Variants in SCD observed in about 807,000 individuals in gnomAD.
SCD encodes stearoyl-CoA desaturase, also known as acyl-CoA desaturase.
SCD carries 4 observed loss-of-function variants against 35.7 expected under a neutral mutation model. The ratio of observed to expected loss-of-function variants is 0.11; its 90% CI spans 0.06 to 0.26. The LOEUF is 0.26. Among genes scored for constraint, SCD ranks in the 10% least tolerant of loss-of-function variants. SCD has a pLI of 1.00. For synonymous variants in SCD, 150 were observed against 170.2 expected (o/e 0.88, Z 0.92); for missense variants, 282 against 460.7 (o/e 0.61, Z 3.55).
rs1214583605 is a variant in SCD at position 100,361,622 on chromosome 10, G to A, written c.*689G>A. On this transcript the variant is annotated 3_prime_UTR_variant, in exon 6 of 6. Coordinates refer to ENST00000370355, the MANE Select transcript of SCD (RefSeq NM_005063.5). ...TGCTTCCTTTCTCTCCTGGCTCGGG[G>A]TAAAAAGTGGCTGCGGTGTTTGGCA... The A allele has an allele frequency of 6.6e-6, 1 of 152,224 alleles. No individual in the cohort carries two copies. Among genetic ancestry groups the A allele is most frequent in the Non-Finnish European group, 1.5e-5 (1 of 68,058 alleles). The allele number at this position is 152,224 out of a possible 1,614,324, so 9.4% of individuals were successfully genotyped here.
chr10:100,354,058 T>C (rs1849900480), intron 3 of SCD, among the ~76,000 whole-genome samples: 1 of 152,250 alleles, frequency 6.6e-6, no homozygotes, highest in African/African-American at 2.4e-5. Context: ...ATGTTCCCCA[T>C]GCCTAGGGAT....
chr10:100,353,516 C>T (rs11190482), intron 3 of SCD, among the ~76,000 whole-genome samples: 2 of 147,250 alleles, frequency 1.4e-5, no homozygotes, highest in Non-Finnish European at 3.0e-5. Flanking sequence ...ACCTGGGAGG[C>T]AGAGCTTGCA....
rs537646546 is a variant in SCD at position 100,362,361 on chromosome 10, T to G, written c.*1428T>G. On this transcript the variant is annotated 3_prime_UTR_variant, in exon 6 of 6. Coordinates refer to ENST00000370355, the MANE Select transcript of SCD (RefSeq NM_005063.5). ...AAAACTAGAAGGCTTCTCTCCACAG[T>G]GTTGTGCCCCTTCACTCATTTTTTT... 4 of 152,308 alleles carry G rather than the reference T, an allele frequency of 2.6e-5. No individual in the cohort carries two copies. Among genetic ancestry groups the G allele is most frequent in the Non-Finnish European group, 4.4e-5 (3 of 68,024 alleles). 9.4% of individuals were successfully genotyped at this position (152,308 alleles called of 1,614,324 possible).
chr10:100,359,538 A>G (rs967406753), intron 5 of SCD, among the ~76,000 whole-genome samples: 1 of 152,118 alleles, frequency 6.6e-6, no homozygotes, highest in Non-Finnish European at 1.5e-5. Context: ...CCATTAATGG[A>G]CATTAATAAT....
At position 100,354,772 on chromosome 10, in the gene SCD, C is replaced by A. The variant is rs76256157; in HGVS notation, c.647+140C>A. 387 of 658,060 alleles carry A rather than the reference C, an allele frequency of 5.9e-4. 2 individuals carry two copies. In the African/African-American group the frequency reaches 6.1e-3, roughly 10 times the overall value. The allele number at this position is 658,060 out of a possible 1,614,324, so 40.8% of individuals were successfully genotyped here. On this transcript the variant is annotated intron_variant, in intron 4 of 5. Coordinates refer to ENST00000370355, the MANE Select transcript of SCD (RefSeq NM_005063.5). ...TGTTCACAATCTTAATTTAAAATCC[C>A]AATTTTTAACATCCCACGGGCCCGT...
chr10:100,355,993 A>G (rs1239888967), intron 4 of SCD, among the ~76,000 whole-genome samples: 1 of 152,230 alleles, frequency 6.6e-6, no homozygotes, highest in Non-Finnish European at 1.5e-5. Flanking sequence ...GGCAGATGGG[A>G]AAACCAGCCA....
chr10:100,363,078 G>A lies in SCD; in HGVS notation c.*2145G>A, dbSNP rs1850005749. 6.6e-6 allele frequency: 1 copy of A among 152,294 alleles called. No homozygotes were observed. The highest frequency in any genetic ancestry group is 2.4e-5 in the African/African-American group (1 of 41,450). 9.4% of individuals were successfully genotyped at this position (152,294 alleles called of 1,614,324 possible). A position where few individuals can be genotyped will look rare whatever the true frequency, so the allele number is the denominator to read the frequency against. ...GTGCCTCACCTCGAAAGGAGGCCCT[G>A]TTCCCTGGAGTCAGGGTGAACTGCA... is the stretch of plus-strand genomic sequence containing the variant. On this transcript the variant is annotated 3_prime_UTR_variant, in exon 6 of 6. Coordinates refer to ENST00000370355, the MANE Select transcript of SCD (RefSeq NM_005063.5).
intron 5 of SCD, among the ~76,000 whole-genome samples, chr10:100,358,963 T>G (rs1282341555): frequency 2.6e-5 from 4 of 152,098 alleles, no homozygotes; most frequent in Non-Finnish European, 5.9e-5. Flanking sequence ...TTTTTCTCTC[T>G]TTTTAACTTT....
rs1474378157 is a variant in SCD at position 100,348,225 on chromosome 10, A to G, written c.189A>G (p.Glu63=). The change falls in exon 2 of 6, where the codon GAA becomes GAG. Residue 63 remains glutamate (E), a synonymous_variant. Transcript: ENST00000370355. ...ATGACCCCACCTACAAGGATAAGGA[A>G]GGCCCAAGCCCCAAGGTTGAATATG... ...DIYDPTYKDK[E]GPSPKVEYVW... 15 of 1,614,162 alleles carry G rather than the reference A, an allele frequency of 9.3e-6. No individual in the cohort carries two copies. The highest frequency in any genetic ancestry group is 9.3e-6 in the Non-Finnish European group (11 of 1,180,024).
rs1179210624 is a variant in SCD at position 100,361,107 on chromosome 10, T to G, written c.*174T>G. 1.6e-6 allele frequency: 1 copy of G among 615,882 alleles called. No homozygotes were observed. Among genetic ancestry groups the G allele is most frequent in the Admixed American group, 3.0e-5 (1 of 33,642 alleles). 38.2% of individuals were successfully genotyped at this position (615,882 alleles called of 1,614,324 possible). A position where few individuals can be genotyped will look rare whatever the true frequency, so the allele number is the denominator to read the frequency against. The stretch of plus-strand genomic sequence containing the variant: ...TTGAAAGCCAACAACTCTGCCTTTA[T>G]GATGCTAAGCTGATATTATTTCTTC... On this transcript the variant is annotated 3_prime_UTR_variant, in exon 6 of 6. Coordinates refer to ENST00000370355, the MANE Select transcript of SCD (RefSeq NM_005063.5).
At chr10:100,359,247 C>A (rs2133597034) in intron 5 of SCD, among the ~76,000 whole-genome samples, 2 of 152,214 alleles carry the variant, frequency 1.3e-5, no homozygotes, top group Middle Eastern at 3.4e-3. Context: ...TATCACCTCA[C>A]CCTTTGTTCT....
At position 100,352,457 on chromosome 10, in the gene SCD, A is replaced by G. The variant is rs1257006826; in HGVS notation, c.402A>G (p.Leu134=). 7 of 1,613,970 alleles carry G rather than the reference A, an allele frequency of 4.3e-6. No homozygotes were observed. Among genetic ancestry groups the G allele is most frequent in the African/African-American group, 2.7e-5 (2 of 74,896 alleles). ...GCTCTTACAAAGCTCGGCTGCCCCT[A>G]CGGCTCTTTCTGATCATTGCCAACA... ...SHRSYKARLP[L]RLFLIIANTM... is the part of the protein sequence containing the mutation. The change falls in exon 3 of 6, where the codon CTA becomes CTG. Residue 134 remains leucine (L), a synonymous_variant. Coordinates refer to ENST00000370355, the MANE Select transcript of SCD (RefSeq NM_005063.5). This position sits in a 1 kb window ranked among gnomAD's most constrained non-coding sequence, Gnocchi z 4.2.
intron 5 of SCD, 144 bp from the exon 6 acceptor site, chr10:100,360,590 G>A (rs1431341963): frequency 3.0e-6 from 2 of 673,446 alleles, no homozygotes; most frequent in Non-Finnish European, 5.3e-6. Context: ...GATCTGTTTG[G>A]TTCATATTAA....
At chr10:100,354,717 A>C in intron 4 of SCD, 85 bp downstream of exon 4, 1 of 1,061,990 alleles carries the variant, frequency 9.4e-7, no homozygotes, top group Non-Finnish European at 1.4e-6. Flanking sequence ...GACTTTCAAA[A>C]TATAAGCTGA....
Position 100,361,114 on chromosome 10 carries a change from A to G in SCD, c.*181A>G. On this transcript the variant is annotated 3_prime_UTR_variant, in exon 6 of 6. Coordinates refer to ENST00000370355, the MANE Select transcript of SCD (RefSeq NM_005063.5). ...CCAACAACTCTGCCTTTATGATGCT[A>G]AGCTGATATTATTTCTTCTCTTATC... 1.7e-6 allele frequency: 1 copy of G among 604,518 alleles called. No homozygotes were observed. Among genetic ancestry groups the G allele is most frequent in the Non-Finnish European group, 2.9e-6 (1 of 344,772 alleles). The allele number at this position is 604,518 out of a possible 1,614,324, so 37.4% of individuals were successfully genotyped here.
rs1849996294 is a variant in SCD at position 100,362,190 on chromosome 10, G to A, written c.*1257G>A. 1 of 152,184 alleles carries A rather than the reference G, an allele frequency of 6.6e-6. No individual in the cohort carries two copies. The highest frequency in any genetic ancestry group is 6.5e-5 in the Admixed American group (1 of 15,278). The allele number at this position is 152,184 out of a possible 1,614,324, so 9.4% of individuals were successfully genotyped here. On this transcript the variant is annotated 3_prime_UTR_variant, in exon 6 of 6. Coordinates refer to ENST00000370355, the MANE Select transcript of SCD (RefSeq NM_005063.5). ...GACAGGATCTATAGGCAGCTTCTAA[G>A]AGCGAACTTCACATAGGAAGGGATC...
Position 100,356,739 on chromosome 10 carries a change from T to C in SCD, c.855T>C (p.Asn285=). 2 of 1,614,226 alleles carry C rather than the reference T, an allele frequency of 1.2e-6. No individual in the cohort carries two copies. Among genetic ancestry groups the C allele is most frequent in the East Asian group, 4.5e-5 (2 of 44,892 alleles). ...PYDKNISPRE[N]ILVSLGAVGE... ...ACAAGAACATTAGCCCCCGGGAGAA[T>C]ATCCTGGTTTCACTTGGAGCTGTGG... is the stretch of plus-strand genomic sequence containing the variant. The change falls in exon 5 of 6, where the codon AAT becomes AAC. Residue 285 remains asparagine, a synonymous_variant. Transcript: ENST00000370355. The surrounding 1 kb of genome is among the most constrained non-coding windows in gnomAD (Gnocchi z 4.1).
intron 2 of SCD, among the ~76,000 whole-genome samples, chr10:100,351,788 G>A (rs1353301998): frequency 6.6e-6 from 1 of 152,096 alleles, no homozygotes; most frequent in Non-Finnish European, 1.5e-5. Flanking sequence ...CCACAGGCAG[G>A]TGCCACCATG....
At chr10:100,353,118 A>G (rs1849888699) in intron 3 of SCD, among the ~76,000 whole-genome samples, 1 of 152,220 alleles carries the variant, frequency 6.6e-6, no homozygotes, top group Admixed American at 6.5e-5. Context: ...TGAGCCTGGC[A>G]CTATTCTAAG....
Sources: allele counts gnomAD v4.1 joint callset (sites outside exome capture counted in the v4.1 genomes callset), GRCh38; gene constraint gnomAD v4.1.1; non-coding constraint Gnocchi (gnomAD v3.1); transcripts MANE v1.5; gene names NCBI Gene and HGNC (gene_info 2026-07-23, HGNC 2026-07-21).